The following PDE4D variants were observed in gnomAD, a reference collection of about 807,000 sequenced individuals.
The protein encoded by PDE4D is phosphodiesterase 4D, also known as 3',5'-cyclic-AMP phosphodiesterase 4D.
PDE4D carries 24 observed loss-of-function variants against 87.4 expected under a neutral mutation model. That is an observed-to-expected ratio of 0.27 (90% confidence interval 0.20 to 0.39). The LOEUF (loss-of-function observed/expected upper bound fraction) is 0.39. Among genes scored for constraint, PDE4D ranks in the 10% least tolerant of loss-of-function variants. PDE4D has a pLI of 1.00. For synonymous variants in PDE4D, 384 were observed against 383.2 expected (o/e 1.00, Z -0.02); for missense variants, 714 against 1,041.0 (o/e 0.69, Z 4.32).
At chr5:59,730,268 C>T (rs1165926284) in intron 1 of PDE4D, among the ~76,000 whole-genome samples, 2 of 152,008 alleles carry the variant, frequency 1.3e-5, no homozygotes, top group African/African-American at 2.4e-5. Flanking sequence ...AGTTCCGATA[C>T]GTGCAAAGCT....
At chr5:60,521,858 G>A (rs1451233445) in intron 1 of PDE4D, 4 of 151,636 alleles carry the variant, frequency 2.6e-5, no homozygotes, top group African/African-American at 9.7e-5. Context: ...CTGGCCAAGA[G>A]CTCAGCCTAA....
chr5:60,019,670 C>T (rs761155068), intron 2 of PDE4D, among the ~76,000 whole-genome samples: 6 of 152,150 alleles, frequency 3.9e-5, no homozygotes, highest in African/African-American at 4.8e-5. Context: ...CCTCTCTCAG[C>T]CTTCATAGAA....
chr5:59,105,249 G>A (rs961195417), intron 5 of PDE4D, among the ~76,000 whole-genome samples: 7 of 152,182 alleles, frequency 4.6e-5, no homozygotes, highest in Non-Finnish European at 8.8e-5. Context: ...TTCTGCCTTA[G>A]GAACTTTTCA....
intron 1 of PDE4D, among the ~76,000 whole-genome samples, chr5:59,248,387 T>G (rs1053684494): frequency 6.6e-6 from 1 of 151,576 alleles, no homozygotes; most frequent in Non-Finnish European, 1.5e-5. Context: ...TTCCTGCTCT[T>G]GCATCTATCT....
At chr5:59,319,029 T>G (rs1384523629) in intron 1 of PDE4D, among the ~76,000 whole-genome samples, 3 of 152,066 alleles carry the variant, frequency 2.0e-5, no homozygotes, top group African/African-American at 4.8e-5. Context: ...TGAAAGGTAT[T>G]TAGTTAAAAA....
intron 1 of PDE4D, among the ~76,000 whole-genome samples, chr5:60,287,679 C>G (rs1752537039): frequency 6.6e-6 from 1 of 152,168 alleles, no homozygotes; most frequent in Non-Finnish European, 1.5e-5. Flanking sequence ...TCCAACCTTG[C>G]CTCAAAATCC....
At chr5:59,068,202 A>G (rs1013416482) in intron 5 of PDE4D, among the ~76,000 whole-genome samples, 4 of 152,224 alleles carry the variant, frequency 2.6e-5, no homozygotes, top group Non-Finnish European at 2.9e-5. Flanking sequence ...CCTAAGCCAT[A>G]CCACAAGCAT....
At chr5:60,159,102 G>A (rs1172531577) in intron 2 of PDE4D, among the ~76,000 whole-genome samples, 2 of 151,684 alleles carry the variant, frequency 1.3e-5, no homozygotes, top group Non-Finnish European at 2.9e-5. Context: ...AAACTTTTTT[G>A]TTAAAAACTA....
chr5:59,547,398 T>C (rs966071204), intron 1 of PDE4D, among the ~76,000 whole-genome samples: 35 of 152,074 alleles, frequency 2.3e-4, no homozygotes, highest in African/African-American at 8.2e-4. Context: ...TTTTGAAAAA[T>C]TATAAAATCA....
chr5:59,736,878 C>T (rs1044334119), intron 1 of PDE4D, among the ~76,000 whole-genome samples: 27 of 152,050 alleles, frequency 1.8e-4, no homozygotes, highest in Admixed American at 8.5e-4. Context: ...AGGATTATAA[C>T]GGTTTTAAAA....
At chr5:59,247,210 A>C (rs1003703344) in intron 1 of PDE4D, among the ~76,000 whole-genome samples, 1 of 152,142 alleles carries the variant, frequency 6.6e-6, no homozygotes, top group Non-Finnish European at 1.5e-5. Context: ...TATCTATTCC[A>C]TGGCCTAGCT....
chr5:59,472,593 C>T (rs1802623141), intron 1 of PDE4D, among the ~76,000 whole-genome samples: 1 of 152,092 alleles, frequency 6.6e-6, no homozygotes, highest in Non-Finnish European at 1.5e-5. Flanking sequence ...TTAATTTCCC[C>T]TTCAAAATAG....
At chr5:60,060,967 C>T (rs1001781099) in intron 2 of PDE4D, among the ~76,000 whole-genome samples, 1 of 152,070 alleles carries the variant, frequency 6.6e-6, no homozygotes, top group Admixed American at 6.6e-5. Context: ...AACCCACAGC[C>T]AATATCATAC....
chr5:59,306,523 G>T (rs1392719497), intron 1 of PDE4D, among the ~76,000 whole-genome samples: 1 of 151,936 alleles, frequency 6.6e-6, no homozygotes, highest in Non-Finnish European at 1.5e-5. Context: ...ACGCTTTAAA[G>T]AGGTTCTGTG....
chr5:60,375,010 C>T (rs1357091281), intron 1 of PDE4D, among the ~76,000 whole-genome samples: 2 of 152,096 alleles, frequency 1.3e-5, no homozygotes, highest in African/African-American at 2.4e-5. Context: ...ACAAAGTTAG[C>T]TAGGTAATCT....
intron 2 of PDE4D, among the ~76,000 whole-genome samples, chr5:59,211,605 CA>C (rs1171037076): frequency 6.6e-6 from 1 of 151,552 alleles, no homozygotes; most frequent in Non-Finnish European, 1.5e-5. Context: ...GCTTTTTTTT[CA>C]AAAGATTAAG....
intron 1 of PDE4D, among the ~76,000 whole-genome samples, chr5:59,860,596 C>T (rs1032072634): frequency 6.6e-6 from 1 of 152,020 alleles, no homozygotes; most frequent in African/African-American, 2.4e-5. Flanking sequence ...AGGTTTAAAT[C>T]CTAAAAGACC....
At chr5:59,404,679 A>G (rs1257050511) in intron 1 of PDE4D, among the ~76,000 whole-genome samples, 1 of 151,566 alleles carries the variant, frequency 6.6e-6, no homozygotes, top group East Asian at 1.9e-4. Context: ...AAAAAAAAAA[A>G]AATCTTTGCT....
intron 3 of PDE4D, among the ~76,000 whole-genome samples, chr5:59,913,141 G>A (rs1488177087): frequency 5.9e-5 from 9 of 152,134 alleles, no homozygotes; most frequent in Non-Finnish European, 7.4e-5. Flanking sequence ...ATTTTCCAAG[G>A]GCATGAGGAA....
Sources: gnomAD v4.1 joint callset for allele counts (sites outside exome capture counted in the v4.1 genomes callset) on GRCh38, gnomAD v4.1.1 for gene constraint, MANE v1.5 for transcripts, NCBI Gene and HGNC (gene_info 2026-07-23, HGNC 2026-07-21) for gene names.